The following CNPPD1 variants were observed in gnomAD, a reference collection of about 807,000 sequenced individuals.
CNPPD1 encodes the protein protein CNPPD1.
CNPPD1 carries 40 observed loss-of-function variants against 43.7 expected under a neutral mutation model. The ratio of observed to expected loss-of-function variants is 0.92; its 90% CI spans 0.71 to 1.19. CNPPD1 has a LOEUF of 1.19. Among genes scored for constraint, CNPPD1 ranks in the 50% most tolerant of loss-of-function variants. CNPPD1 has a pLI of 0.00. For synonymous variants in CNPPD1, 208 were observed against 214.3 expected (o/e 0.97, Z 0.26); for missense variants, 511 against 518.5 (o/e 0.99, Z 0.14).
At chr2:219,173,859 C>A (rs977937338) in intron 6 of CNPPD1, among the ~76,000 whole-genome samples, 1 of 152,048 alleles carries the variant, frequency 6.6e-6, no homozygotes, top group Non-Finnish European at 1.5e-5. Context: ...CCAGGCTGGT[C>A]TCGAACTCCT....
chr2:219,175,508 A>G (rs1950144565), intron 3 of CNPPD1, 83 bp downstream of exon 3: 3 of 1,257,528 alleles, frequency 2.4e-6, no homozygotes, highest in Admixed American at 4.2e-5. Flanking sequence ...AAAAAAAAAA[A>G]GAAAGAAAGA....
chr2:219,172,435 T>C lies in CNPPD1; in HGVS notation c.*151A>G. 1.2e-6 allele frequency: 1 copy of C among 802,126 alleles called. No homozygotes were observed. 49.7% of individuals were successfully genotyped at this position (802,126 alleles called of 1,614,324 possible). A position where few individuals can be genotyped will look rare whatever the true frequency, so the allele number is the denominator to read the frequency against. On this transcript the variant is annotated 3_prime_UTR_variant, in exon 8 of 8. Coordinates refer to ENST00000360507, the MANE Select transcript of CNPPD1 (RefSeq NM_015680.6). ...CGATCTAGGAGTGAATTACCTTCAG[T>C]CCTTCTGCCCCACCACCCCATAAGC...
intron 6 of CNPPD1, among the ~76,000 whole-genome samples, chr2:219,173,812 T>C (rs1950115512): frequency 6.6e-6 from 1 of 152,046 alleles, no homozygotes; most frequent in Admixed American, 6.6e-5. Context: ...CTGGCTAGTA[T>C]TTTTTTCTGG....
Position 219,172,537 on chromosome 2 carries a change from G to A in CNPPD1, c.*49C>T. ...ATCTGAATCAAGCTTTGCTCCTCCA[G>A]GTTCTCAGAAACTCCCAAACCCTCT... On this transcript the variant is annotated 3_prime_UTR_variant, in exon 8 of 8. Coordinates refer to ENST00000360507, the MANE Select transcript of CNPPD1 (RefSeq NM_015680.6). The A allele has an allele frequency of 6.3e-7, 1 of 1,592,940 alleles. No homozygotes were observed. The highest frequency in any genetic ancestry group is 8.6e-7 in the Non-Finnish European group (1 of 1,161,446).
rs1313439379 is a variant in CNPPD1, at chr2:219,176,883, G to A, written c.-55C>T. The A allele has an allele frequency of 6.9e-7, 1 of 1,455,254 alleles. No homozygotes were observed. The allele number at this position is 1,455,254 out of a possible 1,614,324, so 90.1% of individuals were successfully genotyped here. A position where few individuals can be genotyped will look rare whatever the true frequency, so the allele number is the denominator to read the frequency against. On this transcript the variant is annotated 5_prime_UTR_variant, in exon 1 of 8. Coordinates refer to ENST00000360507, the MANE Select transcript of CNPPD1 (RefSeq NM_015680.6). ...GAACGGAAGGAAACGAGTTGTAGGG[G>A]GCTCGCGGAGCTGTCCTTGCCCGCC...
intron 3 of CNPPD1, 116 bp downstream of exon 3, chr2:219,175,475 T>C (rs1950143862): frequency 4.0e-6 from 4 of 1,000,916 alleles, no homozygotes; most frequent in Non-Finnish European, 6.0e-6. Context: ...CCAGCCTGGG[T>C]GACAAAGTGA....
intron 7 of CNPPD1, 87 bp from the exon 8 acceptor site, chr2:219,173,215 T>C (rs946556534): frequency 1.4e-6 from 2 of 1,456,762 alleles, no homozygotes; most frequent in African/African-American, 1.4e-5. Flanking sequence ...GTTGGAGGTC[T>C]CTATAGCCAT....
Position 219,172,586 on chromosome 2 carries a change from C to G in CNPPD1, c.1233G>C (p.Ter411TyrextTer4), listed in dbSNP as rs191443110. Residue 411 changes from the stop codon to tyrosine, a stop_lost, in exon 8 of 8, where the codon TAG (stop) becomes TAC (tyrosine). Coordinates refer to ENST00000360507, the MANE Select transcript of CNPPD1 (RefSeq NM_015680.6). ...ARLKSFVFPG[*>Y] ...CTTAATGCATTCCTCACAGCCCTAC[C>G]TAGCCTGGGAAAACGAAAGACTTGA... is the stretch of plus-strand genomic sequence containing the variant. 28 of 1,614,006 alleles carry G rather than the reference C, an allele frequency of 1.7e-5. No individual in the cohort carries two copies. Among genetic ancestry groups the G allele is most frequent in the Admixed American group, 8.3e-5 (5 of 60,006 alleles).
chr2:219,175,797 C>A, intron 2 of CNPPD1, 125 bp from the exon 3 acceptor site: 1 of 760,320 alleles, frequency 1.3e-6, no homozygotes, highest in Admixed American at 2.5e-5. Context: ...ACCATAGTAA[C>A]AAAATAGAGA....
chr2:219,175,326 G>A (rs1005476170), intron 3 of CNPPD1, among the ~76,000 whole-genome samples: 1 of 151,950 alleles, frequency 6.6e-6, no homozygotes, highest in African/African-American at 2.4e-5. Context: ...GTGAAACCCC[G>A]TCTTTACTAA....
At chr2:219,175,728 C>G in intron 2 of CNPPD1, 56 bp from the exon 3 acceptor site, 1 of 1,411,748 alleles carries the variant, frequency 7.1e-7, no homozygotes, top group Non-Finnish European at 1.0e-6. Context: ...ACCCAACACA[C>G]CAGTCCCCAC....
chr2:219,172,802 G>A lies in CNPPD1; in HGVS notation c.1017C>T (p.Cys339=), dbSNP rs764731856. 18 of 1,599,686 alleles carry A rather than the reference G, an allele frequency of 1.1e-5. No homozygotes were observed. Among genetic ancestry groups the A allele is most frequent in the Admixed American group, 3.4e-5 (2 of 58,426 alleles). Reference sequence around the variant, plus strand: ...TTGGGGAGTCTCTCTGGAGCTTCTGGCAAAGGTGGCAGTTATGAAGAAGAG... The same window carrying A: ...TTGGGGAGTCTCTCTGGAGCTTCTGACAAAGGTGGCAGTTATGAAGAAGAG... ...PPTLLHNCHL[C]QKLQRDSPTC... is the part of the protein sequence containing the mutation. Residue 339 remains cysteine (C), a synonymous_variant, in exon 8 of 8, where the codon TGC becomes TGT. Transcript: ENST00000360507.
intron 6 of CNPPD1, among the ~76,000 whole-genome samples, 170 bp from the exon 7 acceptor site, chr2:219,173,637 A>G (rs916754039): frequency 6.6e-6 from 1 of 152,044 alleles, no homozygotes; most frequent in Non-Finnish European, 1.5e-5. Flanking sequence ...CCTATATTTT[A>G]TTTATTTTTA....
chr2:219,173,723 G>T (rs1950112973), intron 6 of CNPPD1, among the ~76,000 whole-genome samples: 1 of 152,158 alleles, frequency 6.6e-6, no homozygotes. Context: ...GCTCACTGCA[G>T]ACTCAACATC....
intron 5 of CNPPD1, among the ~76,000 whole-genome samples, 168 bp from the exon 6 acceptor site, chr2:219,174,375 ACCACC>A (rs386655290): frequency 4.8e-4 from 73 of 152,306 alleles, no homozygotes; most frequent in African/African-American, 1.7e-3. Context: ...TCATTGAATC[ACCACC>A]TGCCTGGTTT....
chr2:219,176,140 G>A, intron 2 of CNPPD1, 83 bp downstream of exon 2: 3 of 1,003,360 alleles, frequency 3.0e-6, no homozygotes, highest in Non-Finnish European at 4.7e-6. Flanking sequence ...TGTAGCCACG[G>A]GGCAAACCTC....
At chr2:219,173,850 C>T (rs549527438) in intron 6 of CNPPD1, among the ~76,000 whole-genome samples, 1 of 152,208 alleles carries the variant, frequency 6.6e-6, no homozygotes, top group Non-Finnish European at 1.5e-5. Context: ...CTATATTGCC[C>T]AGGCTGGTCT....
At chr2:219,173,710 A>G (rs1485089650) in intron 6 of CNPPD1, among the ~76,000 whole-genome samples, 2 of 152,166 alleles carry the variant, frequency 1.3e-5, no homozygotes, top group East Asian at 3.9e-4. Flanking sequence ...TAGTGCAATC[A>G]TAGCTCACTG....
At chr2:219,175,789 C>T (rs1574773406) in intron 2 of CNPPD1, 117 bp from the exon 3 acceptor site, 1 of 820,674 alleles carries the variant, frequency 1.2e-6, no homozygotes, top group Non-Finnish European at 2.0e-6. Flanking sequence ...GGGACAGGAC[C>T]ATAGTAACAA....
Sources: allele counts gnomAD v4.1 joint callset (sites outside exome capture counted in the v4.1 genomes callset), GRCh38; gene constraint gnomAD v4.1.1; transcripts MANE v1.5; gene names NCBI Gene and HGNC (gene_info 2026-07-23, HGNC 2026-07-21).